KAT6B: variants seen among roughly 807,000 people sequenced by gnomAD.
The protein encoded by KAT6B is histone acetyltransferase KAT6B.
Under a neutral mutation model 187.5 loss-of-function variants are expected in KAT6B, and 10 were observed. The ratio of observed to expected loss-of-function variants is 0.05; its 90% CI spans 0.03 to 0.09. KAT6B has a LOEUF of 0.09. KAT6B is among the 10% of genes least tolerant of loss of function. The pLI is 1.00. For synonymous variants in KAT6B, 861 were observed against 926.8 expected (o/e 0.93, Z 1.29); for missense variants, 1,952 against 2,558.9 (o/e 0.76, Z 5.12).
chr10:74,895,064 T>G (rs1845895651), intron 3 of KAT6B, among the ~76,000 whole-genome samples: 2 of 86,158 alleles, frequency 2.3e-5, no homozygotes, highest in South Asian at 5.9e-4. Flanking sequence ...AACACTTGGT[T>G]TTTTTTTTTT....
At chr10:74,859,953 G>C (rs558943374) in intron 3 of KAT6B, among the ~76,000 whole-genome samples, 1 of 152,314 alleles carries the variant, frequency 6.6e-6, no homozygotes, top group East Asian at 1.9e-4. Flanking sequence ...CATTGATCAG[G>C]TGTAAATTGT....
At chr10:74,938,113 T>TTCGTTGTTGTTGTTG (rs1165592893) in intron 3 of KAT6B, among the ~76,000 whole-genome samples, 2 of 152,174 alleles carry the variant, frequency 1.3e-5, no homozygotes, top group Non-Finnish European at 2.9e-5. Context: ...ACCTGGCTGT[T>TTCGTTGTTGTTGTTG]TCGTTGTTGT....
At chr10:74,841,609 T>A (rs7906881) in intron 2 of KAT6B, among the ~76,000 whole-genome samples, 46,541 of 152,110 alleles carry the variant, frequency 0.31, 12,566 homozygotes, top group African/African-American at 0.71. Context: ...TTCGACCCTT[T>A]AATCTGTTAT....
intron 3 of KAT6B, among the ~76,000 whole-genome samples, chr10:74,957,219 T>C (rs1043964155): frequency 6.6e-6 from 1 of 152,256 alleles, no homozygotes; most frequent in African/African-American, 2.4e-5. Context: ...TTTTAAAAGT[T>C]AATTAGACTT....
intron 4 of KAT6B, among the ~76,000 whole-genome samples, chr10:74,960,915 T>C (rs2133533518): frequency 6.6e-6 from 1 of 152,346 alleles, no homozygotes; most frequent in Middle Eastern, 3.4e-3. Context: ...TCATCACTTA[T>C]GACAGCTGCT....
At chr10:75,022,854 G>A (rs1845542236) in intron 16 of KAT6B, among the ~76,000 whole-genome samples, 1 of 152,190 alleles carries the variant, frequency 6.6e-6, no homozygotes, top group Admixed American at 6.5e-5. Context: ...ACCCAGGGAG[G>A]CAGAGGTTGC....
chr10:74,936,660 T>G (rs1410757058), intron 3 of KAT6B, among the ~76,000 whole-genome samples: 1 of 152,194 alleles, frequency 6.6e-6, no homozygotes, highest in Non-Finnish European at 1.5e-5. Context: ...TGATTTAATA[T>G]ATCAATGTGT....
At chr10:74,932,415 G>A (rs1420511256) in intron 3 of KAT6B, among the ~76,000 whole-genome samples, 1 of 152,160 alleles carries the variant, frequency 6.6e-6, no homozygotes, top group Non-Finnish European at 1.5e-5. Flanking sequence ...GTAGAGACAG[G>A]AATCAAACTC....
At chr10:74,955,395 C>A (rs77503046) in intron 3 of KAT6B, among the ~76,000 whole-genome samples, 5 of 145,876 alleles carry the variant, frequency 3.4e-5, no homozygotes, top group African/African-American at 1.3e-4. Flanking sequence ...CCCCCCCCCC[C>A]AACTTTTTGT....
At chr10:75,021,808 G>A in intron 15 of KAT6B, 73 bp from the exon 16 acceptor site, 1 of 1,533,174 alleles carries the variant, frequency 6.5e-7, no homozygotes, top group Non-Finnish European at 9.0e-7. Context: ...GAGACACTTT[G>A]CCATTGATCC....
In KAT6B at chr10:74,945,727, G is replaced by GT. The variant is rs1338889913; in HGVS notation, c.622-14243_622-14242insT. Among the ~76,000 whole-genome samples, 49 of 152,296 alleles carry GT rather than the reference G, an allele frequency of 3.2e-4. 1 individual carries two copies. Among genetic ancestry groups the GT allele is most frequent in the African/African-American group, 1.1e-3 (46 of 41,560 alleles). On this transcript the variant is annotated intron_variant, in intron 3 of 17. Coordinates refer to ENST00000287239, the MANE Select transcript of KAT6B (RefSeq NM_012330.4). ...AGCCTCCCAAAGTGCTGGGATTACA[G>GT]GCATGAGCCACTGTGCCCGCCGGCC... is the stretch of plus-strand genomic sequence containing the variant.
At chr10:74,840,702 T>C (rs891738005) in intron 2 of KAT6B, among the ~76,000 whole-genome samples, 1 of 152,174 alleles carries the variant, frequency 6.6e-6, no homozygotes, top group African/African-American at 2.4e-5. Context: ...GCCCCAAGTT[T>C]CTGAATCTGA....
chr10:74,977,374 C>G lies in KAT6B; in HGVS notation c.2052C>G (p.Asn684Lys), dbSNP rs772557407. The G allele has an allele frequency of 6.2e-7, 1 of 1,613,824 alleles. No individual in the cohort carries two copies. The highest frequency in any genetic ancestry group is 8.5e-7 in the Non-Finnish European group (1 of 1,179,788). The change falls in exon 9 of 18, where the codon AAC (asparagine) becomes AAG (lysine). Residue 684 changes from asparagine to lysine, a missense_variant. Physicochemically the swap from Asn to Lys is moderately conservative, Grantham distance 94. This residue lies in a region of KAT6B where 417 missense variants were observed against 508.9 expected (regional missense o/e 0.82). Coordinates refer to ENST00000287239, the MANE Select transcript of KAT6B (RefSeq NM_012330.4). ...GTGCAGATGTAAATGTGATTGGAAA[C>G]AAGGATGTCGTTACTGAAGAGGATT... ...QESADVNVIG[N>K]KDVVTEEDLD...
chr10:74,891,805 C>T (rs1845662645), intron 3 of KAT6B, among the ~76,000 whole-genome samples: 1 of 152,272 alleles, frequency 6.6e-6, no homozygotes, highest in Admixed American at 6.5e-5. Context: ...GCAGAATTAA[C>T]ATTGTTTATC....
intron 3 of KAT6B, among the ~76,000 whole-genome samples, chr10:74,956,233 C>A (rs1840685722): frequency 6.6e-6 from 1 of 152,130 alleles, no homozygotes; most frequent in Non-Finnish European, 1.5e-5. Flanking sequence ...CTGATTGTTT[C>A]TTTATGATTG....
chr10:74,925,335 C>G (rs1202888051), intron 3 of KAT6B, among the ~76,000 whole-genome samples: 3 of 152,218 alleles, frequency 2.0e-5, no homozygotes, highest in African/African-American at 7.2e-5. Flanking sequence ...AGCCACTGAG[C>G]CTGGCCAATT....
At chr10:74,909,719 G>A (rs1481199258) in intron 3 of KAT6B, among the ~76,000 whole-genome samples, 1 of 152,130 alleles carries the variant, frequency 6.6e-6, no homozygotes, top group Non-Finnish European at 1.5e-5. Context: ...AAGTTCTACA[G>A]CAGACCTAAA....
rs1589832075 is a variant in KAT6B, at chr10:75,025,221, T to C, written c.3636T>C (p.His1212=). Reference sequence around the variant, plus strand: ...AGGAAGAGGAAGGAAAAGACAATCATTGCTTCAAGAATGCTGACCCTTGTA... The same window carrying C: ...AGGAAGAGGAAGGAAAAGACAATCACTGCTTCAAGAATGCTGACCCTTGTA... ...QTEEEEGKDN[H]CFKNADPCRN... is the part of the protein sequence containing the mutation. The change falls in exon 17 of 18, where the codon CAT becomes CAC. Residue 1212 remains histidine (H), a synonymous_variant. Transcript: ENST00000287239. 6.2e-7 allele frequency: 1 copy of C among 1,614,156 alleles called. No homozygotes were observed. Among genetic ancestry groups the C allele is most frequent in the East Asian group, 2.2e-5 (1 of 44,884 alleles).
At position 74,977,306 on chromosome 10, in the gene KAT6B, T is replaced by C. The variant is rs1358744391; in HGVS notation, c.1994-10T>C. ...CAGTGAATACACTTTCTGCTGGTTT[T>C]AAATGACAGATACTGAAATAAAAAT... On this transcript the variant is annotated splice_polypyrimidine_tract_variant and intron_variant, in intron 8 of 17. Coordinates refer to ENST00000287239, the MANE Select transcript of KAT6B (RefSeq NM_012330.4). The C allele has an allele frequency of 1.2e-6, 2 of 1,612,342 alleles. No homozygotes were observed. Among genetic ancestry groups the C allele is most frequent in the Admixed American group, 1.7e-5 (1 of 59,964 alleles).
Sources: allele counts gnomAD v4.1 joint callset (sites outside exome capture counted in the v4.1 genomes callset), GRCh38; gene constraint gnomAD v4.1.1; regional missense constraint gnomAD v4.1.1; transcripts MANE v1.5; gene names NCBI Gene and HGNC (gene_info 2026-07-23, HGNC 2026-07-21).